Variants in GALNT18 observed in about 807,000 individuals in gnomAD.
GALNT18 encodes the protein GalNAc-transferase 18.
A neutral mutation model predicts 69.5 loss-of-function variants in GALNT18; 44 were observed. The ratio of observed to expected loss-of-function variants is 0.63; its 90% CI spans 0.50 to 0.81. GALNT18 has a LOEUF of 0.81. Ranked by LOEUF, GALNT18 falls within the 40% of genes least tolerant of loss-of-function variation. The pLI, the probability that GALNT18 is intolerant of heterozygous loss-of-function variation, is 0.00. For missense variants in GALNT18, 715 were observed against 810.0 expected (o/e 0.88, Z 1.42); for synonymous variants, 364 against 318.2 (o/e 1.14, Z -1.53).
At chr11:11,558,952 C>T (rs1858397694) in intron 1 of GALNT18, among the ~76,000 whole-genome samples, 1 of 152,248 alleles carries the variant, frequency 6.6e-6, no homozygotes, top group Non-Finnish European at 1.5e-5. Flanking sequence ...CTGCACAGCA[C>T]AGGAGTGAGC....
intron 6 of GALNT18, among the ~76,000 whole-genome samples, chr11:11,366,373 A>G (rs1407607808): frequency 6.6e-6 from 1 of 152,180 alleles, no homozygotes; most frequent in African/African-American, 2.4e-5. Context: ...GTGTGGTAGT[A>G]TTTTTATGTA....
chr11:11,346,649 A>C (rs182496967), intron 6 of GALNT18, among the ~76,000 whole-genome samples: 2 of 152,304 alleles, frequency 1.3e-5, no homozygotes, highest in Admixed American at 1.3e-4. Context: ...CAACCTCACA[A>C]AATGCTCAGA....
intron 3 of GALNT18, among the ~76,000 whole-genome samples, chr11:11,406,008 C>T (rs1178103998): frequency 6.6e-6 from 1 of 152,180 alleles, no homozygotes; most frequent in East Asian, 1.9e-4. Context: ...TCTCATCTCA[C>T]GGAGGTTCAT....
In GALNT18 at chr11:11,583,798, A is replaced by C. The variant is rs548188453; in HGVS notation, c.235+37561T>G. Among the ~76,000 whole-genome samples the C allele has an allele frequency of 1.3e-5, 2 of 152,330 alleles. No individual in the cohort carries two copies. Among genetic ancestry groups the C allele is most frequent in the East Asian group, 3.9e-4 (2 of 5,176 alleles). On this transcript the variant is annotated intron_variant, in intron 1 of 10. Coordinates refer to ENST00000227756, the MANE Select transcript of GALNT18 (RefSeq NM_198516.3). This position sits in a 1 kb window ranked among gnomAD's most constrained non-coding sequence, Gnocchi z 4.7. ...ATAGCACTATCGGCCAGTAATGGTT[A>C]AGCTCACATGATGTGCAAGGCATTC...
chr11:11,574,791 G>C (rs143924251), intron 1 of GALNT18, among the ~76,000 whole-genome samples: 1 of 152,270 alleles, frequency 6.6e-6, no homozygotes, highest in African/African-American at 2.4e-5. Context: ...CAAAGGAGTC[G>C]TATTAGGAAA....
rs988277183 is a variant in GALNT18 at position 11,564,960 on chromosome 11, C to A, written c.235+56399G>T. 1.3e-5 allele frequency among the ~76,000 whole-genome samples: 2 copies of A among 152,198 alleles called. No homozygotes were observed. Among genetic ancestry groups the A allele is most frequent in the Non-Finnish European group, 2.9e-5 (2 of 68,030 alleles). ...TGGACAGCCCTGATCTAGACCCTAA[C>A]CCCAAACTCCAGCACTGCAGAAGAT... is the stretch of plus-strand genomic sequence containing the variant. On this transcript the variant is annotated intron_variant, in intron 1 of 10. Coordinates refer to ENST00000227756, the MANE Select transcript of GALNT18 (RefSeq NM_198516.3). This position sits in a 1 kb window ranked among gnomAD's most constrained non-coding sequence, Gnocchi z 4.3.
chr11:11,472,560 T>C (rs890901842), intron 1 of GALNT18, among the ~76,000 whole-genome samples: 5 of 147,786 alleles, frequency 3.4e-5, no homozygotes, highest in Non-Finnish European at 7.4e-5. Flanking sequence ...TAAGTGCTTA[T>C]TGAGCCCCTT....
chr11:11,427,229 A>G (rs1855153725), intron 3 of GALNT18, among the ~76,000 whole-genome samples: 1 of 152,244 alleles, frequency 6.6e-6, no homozygotes, highest in Non-Finnish European at 1.5e-5. Context: ...TCAGGCTCCT[A>G]CATAACGGCC....
chr11:11,599,639 CTTT>C (rs757264256), intron 1 of GALNT18, among the ~76,000 whole-genome samples: 7 of 151,888 alleles, frequency 4.6e-5, no homozygotes, highest in African/African-American at 1.4e-4. Context: ...TGAAATTTTA[CTTT>C]TTGTTTTCTA....
chr11:11,280,000 T>TG (rs985343676), intron 10 of GALNT18, among the ~76,000 whole-genome samples: 14 of 152,202 alleles, frequency 9.2e-5, no homozygotes, highest in African/African-American at 3.1e-4. Context: ...TGGAGGGGAC[T>TG]GTGTATGTGT....
rs1858429466 is a variant in GALNT18 at position 11,559,840 on chromosome 11, G to A, written c.235+61519C>T. Reference sequence around the variant, plus strand: ...AGGTGGAATAGAATGAGATATGATGGGATGGGGTGAAATAGAATGATATGA... The same window carrying A: ...AGGTGGAATAGAATGAGATATGATGAGATGGGGTGAAATAGAATGATATGA... On this transcript the variant is annotated intron_variant, in intron 1 of 10. Transcript: ENST00000227756. 2.0e-5 allele frequency among the ~76,000 whole-genome samples: 3 copies of A among 152,050 alleles called. 1 individual carries two copies. In the South Asian group the frequency reaches 6.2e-4, roughly 32 times the overall value.
At chr11:11,322,053 C>T (rs372104006) in intron 9 of GALNT18, among the ~76,000 whole-genome samples, 1 of 152,182 alleles carries the variant, frequency 6.6e-6, no homozygotes, top group Non-Finnish European at 1.5e-5. Context: ...AATGGTAACA[C>T]CATCCTTATA....
rs189455807 is a variant in GALNT18, at chr11:11,276,462, T to C, written c.1678-5172A>G. On this transcript the variant is annotated intron_variant, in intron 10 of 10. Coordinates refer to ENST00000227756, the MANE Select transcript of GALNT18 (RefSeq NM_198516.3). Reference sequence around the variant, plus strand: ...ATGGGGTTTTCTAAATATACAATCATGTCATCTGCAAACAGAGGCAATTTG... The same window carrying C: ...ATGGGGTTTTCTAAATATACAATCACGTCATCTGCAAACAGAGGCAATTTG... Among the ~76,000 whole-genome samples the C allele has an allele frequency of 2.9e-3, 440 of 152,292 alleles. 5 individuals carry two copies. The highest frequency in any genetic ancestry group is 9.9e-3 in the African/African-American group (410 of 41,524).
chr11:11,305,034 C>T (rs1045595433), intron 9 of GALNT18, among the ~76,000 whole-genome samples: 1 of 152,178 alleles, frequency 6.6e-6, no homozygotes, highest in African/African-American at 2.4e-5. Context: ...GGGGTACTGC[C>T]AAGCCTTAAA....
At chr11:11,566,156 A>G (rs34378490) in intron 1 of GALNT18, among the ~76,000 whole-genome samples, 63,273 of 152,102 alleles carry the variant, frequency 0.42, 13,183 homozygotes, top group East Asian at 0.51. Flanking sequence ...ACTGGATTAC[A>G]CAAACGTTAA....
chr11:11,417,389 G>A (rs2133767717), intron 3 of GALNT18, among the ~76,000 whole-genome samples: 1 of 152,186 alleles, frequency 6.6e-6, no homozygotes, highest in African/African-American at 2.4e-5. Flanking sequence ...GAGTGCAAGA[G>A]GGGGTTTTCA....
chr11:11,417,206 G>T (rs1019144958), intron 3 of GALNT18, among the ~76,000 whole-genome samples: 1 of 152,192 alleles, frequency 6.6e-6, no homozygotes, highest in Admixed American at 6.5e-5. Flanking sequence ...CTCAGAAGGG[G>T]CCTCCCTGAA....
intron 1 of GALNT18, among the ~76,000 whole-genome samples, chr11:11,561,230 C>T (rs1858496882): frequency 6.6e-6 from 1 of 152,150 alleles, no homozygotes; most frequent in African/African-American, 2.4e-5. Flanking sequence ...AATAAACTCC[C>T]TCTGAGCCTA....
chr11:11,333,760 G>A (rs559583238), intron 7 of GALNT18, among the ~76,000 whole-genome samples: 1 of 152,260 alleles, frequency 6.6e-6, no homozygotes, highest in Admixed American at 6.5e-5. Context: ...ATTGTGTCCA[G>A]GAGTGAGAAG....
Sources: gnomAD v4.1 joint callset for allele counts (sites outside exome capture counted in the v4.1 genomes callset) on GRCh38, gnomAD v4.1.1 for gene constraint, Gnocchi (gnomAD v3.1) non-coding constraint, MANE v1.5 for transcripts, NCBI Gene and HGNC (gene_info 2026-07-23, HGNC 2026-07-21) for gene names.